Variants in PLCL1 observed in about 807,000 individuals in gnomAD.
The protein encoded by PLCL1 is inactive phospholipase C-like protein 1.
Under a neutral mutation model 84.4 loss-of-function variants are expected in PLCL1, and 41 were observed. The observed-to-expected ratio is 0.49, with a 90% confidence interval of 0.38 to 0.63. PLCL1 has a LOEUF of 0.63. PLCL1 is among the 30% of genes least tolerant of loss of function. The pLI, the probability that PLCL1 is intolerant of heterozygous loss-of-function variation, is 0.00. For synonymous variants in PLCL1, 490 were observed against 488.3 expected, an observed-to-expected ratio of 1.00 and a Z score of -0.05; for missense variants, 1,206 against 1,367.8, an observed-to-expected ratio of 0.88 and a Z score of 1.87.
intron 1 of PLCL1, among the ~76,000 whole-genome samples, chr2:197,922,929 T>C (rs112080993): frequency 2.4e-4 from 17 of 72,016 alleles, no homozygotes; most frequent in Non-Finnish European, 3.0e-4. Context: ...CCCTCCCAGA[T>C]GGGGCGGCTG....
At chr2:197,841,653 T>A (rs1687005764) in intron 1 of PLCL1, among the ~76,000 whole-genome samples, 1 of 152,248 alleles carries the variant, frequency 6.6e-6, no homozygotes, top group Non-Finnish European at 1.5e-5. Flanking sequence ...TTTTGGCAAT[T>A]ATGCATGAAA....
chr2:198,144,225 C>T (rs551907579), intron 5 of PLCL1, among the ~76,000 whole-genome samples: 4 of 152,216 alleles, frequency 2.6e-5, no homozygotes, highest in Non-Finnish European at 4.4e-5. Context: ...AGGAAAGTTG[C>T]CAGTTTTGCT....
At chr2:197,872,674 T>C (rs766193362) in intron 1 of PLCL1, among the ~76,000 whole-genome samples, 68 of 152,310 alleles carry the variant, frequency 4.5e-4, no homozygotes, top group Non-Finnish European at 8.8e-4. Flanking sequence ...GAGAATTAGA[T>C]TATGTAAGTT....
In PLCL1 at chr2:197,995,751, AG is replaced by A. The variant is rs1690448061; in HGVS notation, c.241-88005del. Among the ~76,000 whole-genome samples the A allele has an allele frequency of 5.9e-5, 9 of 152,256 alleles. No individual in the cohort carries two copies. In the South Asian group the frequency reaches 1.9e-3, roughly 32 times the overall value. On this transcript the variant is annotated intron_variant, in intron 1 of 5. Transcript: ENST00000428675. ...ATGCCCTGGGTGGCCAGTGTACAGG[AG>A]GAAATCACTTAATGGGGGGGCGTGT...
At chr2:198,054,540 C>T (rs1295996231) in intron 1 of PLCL1, among the ~76,000 whole-genome samples, 1 of 152,180 alleles carries the variant, frequency 6.6e-6, no homozygotes, top group African/African-American at 2.4e-5. Flanking sequence ...GACTCCAGCC[C>T]CATCTCTGTA....
chr2:198,034,509 A>G (rs1380883730), intron 1 of PLCL1, among the ~76,000 whole-genome samples: 1 of 152,220 alleles, frequency 6.6e-6, no homozygotes, highest in East Asian at 1.9e-4. Flanking sequence ...GATGAAGGAA[A>G]TGTGGCACAT....
At chr2:197,999,378 A>T (rs181968865) in intron 1 of PLCL1, among the ~76,000 whole-genome samples, 105 of 152,336 alleles carry the variant, frequency 6.9e-4, no homozygotes, top group African/African-American at 2.5e-3. Context: ...TAGCAGTGAT[A>T]GTAATATTAG....
intron 5 of PLCL1, among the ~76,000 whole-genome samples, chr2:198,116,683 A>G (rs1693755505): frequency 6.6e-6 from 1 of 151,934 alleles, no homozygotes; most frequent in Non-Finnish European, 1.5e-5. Context: ...ATGACTTAGA[A>G]TTAAGTATTA....
intron 1 of PLCL1, among the ~76,000 whole-genome samples, chr2:197,921,691 A>G (rs1193127108): frequency 2.6e-5 from 4 of 152,158 alleles, no homozygotes; most frequent in Non-Finnish European, 5.9e-5. Flanking sequence ...TGTACCTTTG[A>G]TCACACCGTC....
intron 1 of PLCL1, among the ~76,000 whole-genome samples, chr2:198,078,509 G>A (rs1692634873): frequency 1.3e-5 from 2 of 152,160 alleles, no homozygotes; most frequent in South Asian, 4.1e-4. Flanking sequence ...TTATCTTTTA[G>A]TATAATCTAT....
At chr2:197,949,881 TGG>T in intron 1 of PLCL1, among the ~76,000 whole-genome samples, 1 of 152,188 alleles carries the variant, frequency 6.6e-6, no homozygotes, top group South Asian at 2.1e-4. Context: ...GATTTATGAG[TGG>T]GGAACTCAAG....
chr2:197,813,567 A>G (rs1690631857), intron 1 of PLCL1, among the ~76,000 whole-genome samples: 1 of 152,150 alleles, frequency 6.6e-6, no homozygotes, highest in Admixed American at 6.5e-5. Context: ...TATATAAAAC[A>G]CCTAGTAACA....
chr2:198,009,735 TAG>T (rs925691066), intron 1 of PLCL1, among the ~76,000 whole-genome samples: 3 of 152,030 alleles, frequency 2.0e-5, no homozygotes, highest in Non-Finnish European at 1.5e-5. Context: ...GGAATTTTTA[TAG>T]AGTTTGCATT....
At chr2:198,128,195 A>G (rs897838978) in intron 5 of PLCL1, among the ~76,000 whole-genome samples, 1 of 152,134 alleles carries the variant, frequency 6.6e-6, no homozygotes, top group Non-Finnish European at 1.5e-5. Flanking sequence ...TCCTATGGGG[A>G]CAAGGGGATT....
intron 1 of PLCL1, among the ~76,000 whole-genome samples, chr2:197,920,699 C>G (rs1487707646): frequency 6.6e-6 from 1 of 152,158 alleles, no homozygotes; most frequent in African/African-American, 2.4e-5. Flanking sequence ...CTTGTGCCCT[C>G]TGAAGAATAT....
At chr2:197,868,771 C>T (rs1687594193) in intron 1 of PLCL1, among the ~76,000 whole-genome samples, 2 of 151,796 alleles carry the variant, frequency 1.3e-5, no homozygotes, top group African/African-American at 2.4e-5. Context: ...CCACCTCAGC[C>T]TCCCAAAGAG....
rs957585656 is a variant in PLCL1, at chr2:197,851,432, ATTGATTAGC to A, written c.240+46095_240+46103del. On this transcript the variant is annotated intron_variant, in intron 1 of 5. Coordinates refer to ENST00000428675, the MANE Select transcript of PLCL1 (RefSeq NM_006226.4). ...TTTTCTATTGCACAGTGATAGAAGTATTGATTAGCTATCTGTCTGGAATAAAAGCAGTGC... is the reference window on the plus strand; with the variant it reads ...TTTTCTATTGCACAGTGATAGAAGTATATCTGTCTGGAATAAAAGCAGTGC... Among the ~76,000 whole-genome samples, 89 of 152,368 alleles carry A rather than the reference ATTGATTAGC, an allele frequency of 5.8e-4. 1 individual carries two copies. The highest frequency in any genetic ancestry group is 2.0e-3 in the African/African-American group (82 of 41,596).
At chr2:197,989,844 G>A (rs1343169276) in intron 1 of PLCL1, among the ~76,000 whole-genome samples, 1 of 152,154 alleles carries the variant, frequency 6.6e-6, no homozygotes, top group African/African-American at 2.4e-5. Context: ...ACCTTCCTAA[G>A]CAGAAATAAC....
chr2:198,002,975 T>G (rs1690638343), intron 1 of PLCL1, among the ~76,000 whole-genome samples: 1 of 152,184 alleles, frequency 6.6e-6, no homozygotes, highest in African/African-American at 2.4e-5. Context: ...CTATGTGAAC[T>G]ATGTTACCAT....
Sources: gnomAD v4.1 joint callset for allele counts (sites outside exome capture counted in the v4.1 genomes callset) on GRCh38, gnomAD v4.1.1 for gene constraint, MANE v1.5 for transcripts, NCBI Gene and HGNC (gene_info 2026-07-23, HGNC 2026-07-21) for gene names.